The following AK5 variants were observed in gnomAD, a reference collection of about 807,000 sequenced individuals.
AK5 encodes the protein adenylate kinase 5.
A neutral mutation model predicts 69.5 loss-of-function variants in AK5; 27 were observed. That is an observed-to-expected ratio of 0.39 (90% CI 0.29 to 0.54). The LOEUF (loss-of-function observed/expected upper bound fraction) is 0.54. Among genes scored for constraint, AK5 ranks in the 20% least tolerant of loss-of-function variants. The pLI is 0.71. For missense variants in AK5, 531 were observed against 700.4 expected, an observed-to-expected ratio of 0.76 and a Z score of 2.73; for synonymous variants, 260 against 244.4, an observed-to-expected ratio of 1.06 and a Z score of -0.60.
intron 8 of AK5, among the ~76,000 whole-genome samples, chr1:77,426,594 G>A (rs1485700165): frequency 2.0e-5 from 3 of 152,226 alleles, no homozygotes; most frequent in Non-Finnish European, 4.4e-5. Context: ...AATCAATAAG[G>A]TTGTAGTTGA....
intron 10 of AK5, among the ~76,000 whole-genome samples, chr1:77,508,196 A>G (rs945024421): frequency 3.3e-5 from 5 of 152,168 alleles, no homozygotes; most frequent in Non-Finnish European, 7.4e-5. Flanking sequence ...TCCAACCTGT[A>G]TATCTTGTCT....
intron 13 of AK5, chr1:77,540,746 G>A (rs548215757): frequency 2.6e-5 from 4 of 152,156 alleles, no homozygotes; most frequent in African/African-American, 9.7e-5. Flanking sequence ...GATAGAACAC[G>A]ATCTACTAGA....
chr1:77,496,196 T>C (rs1294501773), intron 10 of AK5, among the ~76,000 whole-genome samples: 1 of 152,064 alleles, frequency 6.6e-6, no homozygotes, highest in East Asian at 1.9e-4. Context: ...AAGTGCTAAC[T>C]GGGAAGAAAG....
intron 8 of AK5, among the ~76,000 whole-genome samples, chr1:77,436,494 AT>A: frequency 6.6e-6 from 1 of 151,908 alleles, no homozygotes; most frequent in Non-Finnish European, 1.5e-5. Flanking sequence ...ATGTGTATTA[AT>A]GAACCCAAAT....
rs181430727 is a variant in AK5, at chr1:77,554,658, T to C, written c.1621-3944T>C. 3.2e-4 allele frequency among the ~76,000 whole-genome samples: 49 copies of C among 152,212 alleles called. 2 individuals carry two copies. The East Asian group carries it at 9.5e-3, about 29-fold the overall frequency. ...TCTCACTCTGTTGCCCAGGCTGGAG[T>C]GCAGTGGCGCGATCTCAGCTCACTG... On this transcript the variant is annotated intron_variant, in intron 13 of 13. Transcript: ENST00000354567.
chr1:77,286,516 A>G (rs934469653), intron 1 of AK5, among the ~76,000 whole-genome samples: 1 of 151,940 alleles, frequency 6.6e-6, no homozygotes, highest in African/African-American at 2.4e-5. Flanking sequence ...GACAAAAACA[A>G]TCAGAATTCA....
intron 11 of AK5, among the ~76,000 whole-genome samples, chr1:77,520,348 C>T (rs1417650497): frequency 1.3e-5 from 2 of 152,130 alleles, no homozygotes; most frequent in African/African-American, 4.8e-5. Context: ...TTCTTTGAAA[C>T]ATTTATCAAA....
chr1:77,344,089 C>CT (rs1463236576), intron 6 of AK5, among the ~76,000 whole-genome samples: 2 of 152,122 alleles, frequency 1.3e-5, no homozygotes, highest in Non-Finnish European at 2.9e-5. Context: ...CCACTCTTTT[C>CT]TTTTTTACCT....
chr1:77,368,223 A>ATC (rs1553140215), intron 6 of AK5, among the ~76,000 whole-genome samples: 1 of 31,668 alleles, frequency 3.2e-5, no homozygotes, highest in Non-Finnish European at 6.2e-5. Flanking sequence ...TACTATATAT[A>ATC]TATATATATA....
At chr1:77,522,888 T>G (rs2803139) in intron 12 of AK5, among the ~76,000 whole-genome samples, 3,490 of 151,058 alleles carry the variant, frequency 0.023, 105 homozygotes, top group African/African-American at 0.081. Flanking sequence ...AGTTTTCTCG[T>G]TTTTTTTTAA....
At chr1:77,354,278 A>G (rs1662376851) in intron 6 of AK5, among the ~76,000 whole-genome samples, 1 of 152,218 alleles carries the variant, frequency 6.6e-6, no homozygotes, top group South Asian at 2.1e-4. Flanking sequence ...ATCTACAAAT[A>G]TATTCATTCA....
intron 8 of AK5, among the ~76,000 whole-genome samples, chr1:77,429,245 A>G (rs1360420031): frequency 3.3e-5 from 5 of 151,488 alleles, no homozygotes; most frequent in African/African-American, 4.8e-5. Context: ...CTATTTCTCC[A>G]CATCCTCTCC....
At chr1:77,344,266 A>C (rs1252096311) in intron 6 of AK5, among the ~76,000 whole-genome samples, 1 of 152,244 alleles carries the variant, frequency 6.6e-6, no homozygotes, top group African/African-American at 2.4e-5. Flanking sequence ...TGTATTATAC[A>C]TGTCCATATG....
intron 6 of AK5, among the ~76,000 whole-genome samples, chr1:77,373,045 AT>A (rs1647150288): frequency 6.6e-6 from 1 of 152,070 alleles, no homozygotes; most frequent in African/African-American, 2.4e-5. Flanking sequence ...ACTTTTAATT[AT>A]TTTTTTGGAA....
At chr1:77,445,899 T>A (rs891855037) in intron 8 of AK5, among the ~76,000 whole-genome samples, 1 of 152,204 alleles carries the variant, frequency 6.6e-6, no homozygotes, top group African/African-American at 2.4e-5. Context: ...TTTCCTATTT[T>A]TTATTGTTTC....
chr1:77,543,165 T>C (rs1022498691), intron 13 of AK5, among the ~76,000 whole-genome samples: 2 of 152,134 alleles, frequency 1.3e-5, no homozygotes, highest in Non-Finnish European at 2.9e-5. Context: ...GAGTGAGAAG[T>C]TTCTGCAGTT....
At chr1:77,546,093 C>A (rs930677140) in intron 13 of AK5, among the ~76,000 whole-genome samples, 2 of 152,064 alleles carry the variant, frequency 1.3e-5, no homozygotes, top group Non-Finnish European at 2.9e-5. Context: ...CTGTTTGCAC[C>A]CCTGCGGTCC....
At chr1:77,439,983 T>C (rs1652219940) in intron 8 of AK5, among the ~76,000 whole-genome samples, 1 of 152,216 alleles carries the variant, frequency 6.6e-6, no homozygotes, top group African/African-American at 2.4e-5. Flanking sequence ...TCTTGCTTTC[T>C]TATTTATTGT....
rs184457134 is a variant in AK5, at chr1:77,546,689, G to A, written c.1620+10651G>A. ...CGCGCCACTGCACTCCAGCCTGAGC[G>A]ACAGTGTGAGACTCTGTCTCTACAC... On this transcript the variant is annotated intron_variant, in intron 13 of 13. Coordinates refer to ENST00000354567, the MANE Select transcript of AK5 (RefSeq NM_174858.3). 3.8e-3 allele frequency among the ~76,000 whole-genome samples: 572 copies of A among 152,268 alleles called. 4 individuals carry two copies. Among genetic ancestry groups the A allele is most frequent in the African/African-American group, 0.013 (554 of 41,540 alleles).
Sources: gnomAD v4.1 joint callset for allele counts (sites outside exome capture counted in the v4.1 genomes callset) on GRCh38, gnomAD v4.1.1 for gene constraint, MANE v1.5 for transcripts, NCBI Gene and HGNC (gene_info 2026-07-23, HGNC 2026-07-21) for gene names.